Variants in MEIG1 observed in about 807,000 individuals in gnomAD.
The protein encoded by MEIG1 is meiosis expressed gene 1 protein homolog.
MEIG1 carries 12 observed loss-of-function variants against 11.3 expected under a neutral mutation model. The ratio of observed to expected loss-of-function variants is 1.07; its 90% CI spans 0.68 to 1.73. The LOEUF (loss-of-function observed/expected upper bound fraction) is 1.73, where lower values mean the gene tolerates loss of function less well. Ranked by LOEUF, MEIG1 falls within the 40% of genes most tolerant of loss-of-function variation. The pLI is 0.00. For missense variants in MEIG1, 119 were observed against 104.9 expected (o/e 1.13, Z -0.59); for synonymous variants, 41 against 33.2 (o/e 1.24, Z -0.81).
intron 1 of MEIG1, among the ~76,000 whole-genome samples, chr10:14,962,006 C>T (rs1257328468): frequency 2.6e-5 from 4 of 151,914 alleles, no homozygotes; most frequent in East Asian, 1.9e-4. Context: ...GGTCTCACTA[C>T]GTTGCCCAGG....
chr10:14,980,719 C>A (rs181303002), intron 1 of MEIG1, among the ~76,000 whole-genome samples: 1 of 152,098 alleles, frequency 6.6e-6, no homozygotes, highest in African/African-American at 2.4e-5. Flanking sequence ...AACGCCTCAC[C>A]GAAGATGGTG....
chr10:14,972,412 T>C, intron 2 of MEIG1, 101 bp from the exon 3 acceptor site: 2 of 1,465,922 alleles, frequency 1.4e-6, no homozygotes, highest in Non-Finnish European at 1.9e-6. Flanking sequence ...AATCTTATAC[T>C]TTGTTTCTGT....
chr10:14,955,710 C>T (rs1178294512), upstream of MEIG1, among the ~76,000 whole-genome samples: 1 of 152,092 alleles, frequency 6.6e-6, no homozygotes, highest in Non-Finnish European at 1.5e-5. Flanking sequence ...AAAAACAAAA[C>T]AAAACAGAAT....
upstream of MEIG1, among the ~76,000 whole-genome samples, chr10:14,958,514 CTCCAG>C (rs1342020969): frequency 2.6e-5 from 4 of 152,188 alleles, no homozygotes; most frequent in African/African-American, 9.6e-5. Context: ...ATTACTGAGT[CTCCAG>C]AGCTCTAATG....
chr10:14,980,925 T>C (rs1452031900), intron 1 of MEIG1, among the ~76,000 whole-genome samples: 9 of 152,032 alleles, frequency 5.9e-5, no homozygotes, highest in African/African-American at 2.2e-4. Context: ...TGTGGACGGG[T>C]TAGGTACTGT....
intron 2 of MEIG1, among the ~76,000 whole-genome samples, chr10:14,970,034 G>T (rs1362089517): frequency 1.3e-5 from 2 of 152,190 alleles, no homozygotes; most frequent in Non-Finnish European, 2.9e-5. Context: ...CCCCAGAGAG[G>T]GCTTAGTGTC....
chr10:14,978,820 T>G (rs1843236739), intron 1 of MEIG1, among the ~76,000 whole-genome samples: 1 of 151,914 alleles, frequency 6.6e-6, no homozygotes, highest in African/African-American at 2.4e-5. Flanking sequence ...GTACACACCT[T>G]TTGAAATTAT....
At chr10:14,960,092 A>C (rs1589201760) in intron 1 of MEIG1, among the ~76,000 whole-genome samples, 1 of 152,000 alleles carries the variant, frequency 6.6e-6, no homozygotes, top group African/African-American at 2.4e-5. Flanking sequence ...CAGCGACAGC[A>C]GACGGGAGTT....
At chr10:14,985,940 C>T (rs1843314246) in intron 1 of MEIG1, among the ~76,000 whole-genome samples, 2 of 151,994 alleles carry the variant, frequency 1.3e-5, no homozygotes, top group African/African-American at 4.8e-5. Flanking sequence ...GTCTTAATAT[C>T]CAGGGTAAAT....
chr10:14,967,945 A>G (rs1391032604), intron 2 of MEIG1, among the ~76,000 whole-genome samples: 2 of 152,220 alleles, frequency 1.3e-5, no homozygotes, highest in East Asian at 3.8e-4. Flanking sequence ...CCATGTATAT[A>G]TGGACTCCCC....
intron 2 of MEIG1, among the ~76,000 whole-genome samples, chr10:14,971,204 T>TATAATAATAAGG (rs1843144663): frequency 1.7e-5 from 1 of 57,144 alleles, no homozygotes; most frequent in Non-Finnish European, 3.9e-5. Flanking sequence ...CTCGGCAACA[T>TATAATAATAAGG]ATAATAATAA....
At chr10:14,965,071 A>T (rs1589207397) in intron 1 of MEIG1, among the ~76,000 whole-genome samples, 1 of 148,548 alleles carries the variant, frequency 6.7e-6, no homozygotes, top group East Asian at 2.0e-4. Flanking sequence ...GGCTCGAGCC[A>T]CCATGTCCAG....
At chr10:14,987,020 G>A in intron 2 of MEIG1, 1 of 627,086 alleles carries the variant, frequency 1.6e-6, no homozygotes, top group Non-Finnish European at 2.7e-6. Flanking sequence ...CAGAGGTGAG[G>A]ATTCATGATG....
At chr10:14,976,268 T>A (rs1843209230), downstream of MEIG1, among the ~76,000 whole-genome samples, 1 of 152,122 alleles carries the variant, frequency 6.6e-6, no homozygotes, top group South Asian at 2.1e-4. Flanking sequence ...CCCTGCTGCA[T>A]TATTCATAAT....
upstream of MEIG1, among the ~76,000 whole-genome samples, chr10:14,958,337 T>C (rs1842972320): frequency 6.6e-6 from 1 of 152,230 alleles, no homozygotes; most frequent in Non-Finnish European, 1.5e-5. Flanking sequence ...AGTATTGCCT[T>C]TGTTTTAGTA....
Position 14,978,739 on chromosome 10 carries a change from C to T in MEIG1, n.66+6119C>T, listed in dbSNP as rs537460873. Among the ~76,000 whole-genome samples the T allele has an allele frequency of 2.0e-5, 3 of 152,080 alleles. No homozygotes were observed. The East Asian group carries it at 5.8e-4, about 29-fold the overall frequency. On this transcript the variant is annotated intron_variant and non_coding_transcript_variant, in intron 1 of 2. Coordinates refer to the MEIG1 transcript ENST00000467536. ...CCTAAAAAGACATGACTCCTCATGT[C>T]ACAGGGGCTGTATACCCTGTGATAT...
intron 2 of MEIG1, among the ~76,000 whole-genome samples, chr10:14,971,216 G>GATGATAATAATAATA (rs147640779): frequency 2.1e-5 from 3 of 143,642 alleles, no homozygotes; most frequent in East Asian, 2.0e-4. Flanking sequence ...TAATAATAAT[G>GATGATAATAATAATA]ATAATAATAA....
rs1554806491 is a variant in MEIG1, at chr10:14,971,236, T to TAATAATAATAATAATAATAAC, written c.139-1275_139-1274insTAATAATAATAATAATAACAA. On this transcript the variant is annotated intron_variant, in intron 2 of 2. Transcript: ENST00000407572. ...ATAATGATAATAATAATAATAATAA[T>TAATAATAATAATAATAATAAC]AACAACAATAAAGAATGGTAGAAGA... Among the ~76,000 whole-genome samples the TAATAATAATAATAATAATAAC allele has an allele frequency of 2.4e-3, 351 of 148,232 alleles. 2 individuals carry two copies. Among genetic ancestry groups the TAATAATAATAATAATAATAAC allele is most frequent in the African/African-American group, 8.3e-3 (335 of 40,414 alleles).
At chr10:14,971,236 TAAC>T (rs1843146509) in intron 2 of MEIG1, among the ~76,000 whole-genome samples, 2 of 148,242 alleles carry the variant, frequency 1.3e-5, no homozygotes, top group Admixed American at 1.4e-4. Flanking sequence ...ATAATAATAA[TAAC>T]AACAATAAAG....
Sources: allele counts gnomAD v4.1 joint callset (sites outside exome capture counted in the v4.1 genomes callset), GRCh38; gene constraint gnomAD v4.1.1; transcripts MANE v1.5; gene names NCBI Gene and HGNC (gene_info 2026-07-23, HGNC 2026-07-21).